The following AKT3 variants were observed in gnomAD, a reference collection of about 807,000 sequenced individuals.
AKT3 encodes AKT serine/threonine kinase 3.
AKT3 carries 15 observed loss-of-function variants against 65.3 expected under a neutral mutation model. The ratio of observed to expected loss-of-function variants is 0.23; its 90% confidence interval spans 0.15 to 0.35. AKT3 has a LOEUF of 0.35. Among genes scored for constraint, AKT3 ranks in the 10% least tolerant of loss-of-function variants. AKT3 has a pLI of 1.00. For missense variants in AKT3, 243 were observed against 576.5 expected, an observed-to-expected ratio of 0.42 and a Z score of 5.92; for synonymous variants, 206 against 183.8, an observed-to-expected ratio of 1.12 and a Z score of -0.98.
At chr1:243,520,954 T>C (rs974122249) in intron 12 of AKT3, among the ~76,000 whole-genome samples, 1 of 152,202 alleles carries the variant, frequency 6.6e-6, no homozygotes, top group Non-Finnish European at 1.5e-5. Flanking sequence ...TTAGAGTAAG[T>C]CACATTTGGT....
At chr1:243,757,660 TTTTC>T (rs1205558016) in intron 2 of AKT3, among the ~76,000 whole-genome samples, 81 of 152,262 alleles carry the variant, frequency 5.3e-4, no homozygotes, top group African/African-American at 1.1e-3. Flanking sequence ...TTCTTACAAC[TTTTC>T]TTTAAGTTTG....
chr1:243,595,409 C>T (rs906860713), intron 8 of AKT3, among the ~76,000 whole-genome samples: 1 of 152,148 alleles, frequency 6.6e-6, no homozygotes, highest in African/African-American at 2.4e-5. Flanking sequence ...ACTATGAACA[C>T]TGTATAATGT....
intron 9 of AKT3, among the ~76,000 whole-genome samples, chr1:243,564,308 G>A (rs1357600479): frequency 6.6e-6 from 1 of 152,120 alleles, no homozygotes; most frequent in Non-Finnish European, 1.5e-5. Flanking sequence ...GGTGGTGCTT[G>A]TAAATCAAAC....
At chr1:243,800,299 T>C (rs951731198) in intron 2 of AKT3, among the ~76,000 whole-genome samples, 5 of 152,222 alleles carry the variant, frequency 3.3e-5, no homozygotes, top group African/African-American at 7.2e-5. Flanking sequence ...TACAGGGCTG[T>C]TGTGAGGCCT....
chr1:243,744,540 C>T (rs1196834832), intron 2 of AKT3, among the ~76,000 whole-genome samples: 1 of 151,802 alleles, frequency 6.6e-6, no homozygotes, highest in African/African-American at 2.4e-5. Context: ...GAGATCGAGA[C>T]CATCCCGGCT....
At chr1:243,633,047 G>GATTATCGAAGATTTCTC (rs1679721703) in intron 6 of AKT3, among the ~76,000 whole-genome samples, 1 of 152,194 alleles carries the variant, frequency 6.6e-6, no homozygotes, top group South Asian at 2.1e-4. Context: ...ACCCTAATAA[G>GATTATCGAAGATTTCTC]ATTATCGAAG....
chr1:243,775,399 C>G (rs1260060472), intron 2 of AKT3, among the ~76,000 whole-genome samples: 1 of 152,130 alleles, frequency 6.6e-6, no homozygotes, highest in Non-Finnish European at 1.5e-5. Flanking sequence ...CCAGGATGGT[C>G]TCAATCTCCT....
chr1:243,843,270 G>A lies in AKT3; in HGVS notation c.-100C>T, dbSNP rs1407019765. The A allele has an allele frequency of 6.8e-7, 1 of 1,471,300 alleles. No homozygotes were observed. Among genetic ancestry groups the A allele is most frequent in the Non-Finnish European group, 9.1e-7 (1 of 1,104,346 alleles). 91.1% of individuals were successfully genotyped at this position (1,471,300 alleles called of 1,614,324 possible). A position where few individuals can be genotyped will look rare whatever the true frequency, so the allele number is the denominator to read the frequency against. ...CTGCTGCTGCCCTTCCCACTCTCTA[G>A]TGATGACTCAGCCTGGAAGGAAGTA... On this transcript the variant is annotated 5_prime_UTR_variant, in exon 2 of 14. Transcript: ENST00000673466.
rs576800370 is a variant in AKT3 at position 243,662,803 on chromosome 1, C to G, written c.284+1969G>C. Reference sequence around the variant, plus strand: ...CTAGAGGTATATAGAAATGCACATACCAATGGCAAATATGAGTATGCTGTT... The same window carrying G: ...CTAGAGGTATATAGAAATGCACATAGCAATGGCAAATATGAGTATGCTGTT... On this transcript the variant is annotated intron_variant, in intron 4 of 13. Coordinates refer to ENST00000673466, the MANE Select transcript of AKT3 (RefSeq NM_005465.7). Among the ~76,000 whole-genome samples the G allele has an allele frequency of 5.9e-5, 9 of 152,152 alleles. No homozygotes were observed. In the East Asian group the frequency reaches 1.7e-3, roughly 29 times the overall value.
At chr1:243,561,663 A>G (rs1163823539) in intron 10 of AKT3, among the ~76,000 whole-genome samples, 1 of 152,132 alleles carries the variant, frequency 6.6e-6, no homozygotes, top group Non-Finnish European at 1.5e-5. Context: ...ACCCTCACAC[A>G]TCAAATATTA....
intron 2 of AKT3, among the ~76,000 whole-genome samples, chr1:243,707,722 T>G (rs1212675415): frequency 1.3e-5 from 2 of 152,114 alleles, no homozygotes; most frequent in Non-Finnish European, 2.9e-5. Context: ...CTTCCTTTCT[T>G]ATTACAAAAA....
Position 243,753,330 on chromosome 1 carries a change from G to T in AKT3, c.47-57614C>A, listed in dbSNP as rs368565299. Among the ~76,000 whole-genome samples the T allele has an allele frequency of 2.0e-4, 31 of 152,306 alleles. No homozygotes were observed. The East Asian group carries it at 4.6e-3, about 23-fold the overall frequency. ...GGAATATAAAGCAAGGTATTTGGAT[G>T]CAGAAAGTTCCTACGTAAGCAGATT... On this transcript the variant is annotated intron_variant, in intron 2 of 13. Coordinates refer to ENST00000673466, the MANE Select transcript of AKT3 (RefSeq NM_005465.7).
chr1:243,778,850 C>G (rs1461063633), intron 2 of AKT3, among the ~76,000 whole-genome samples: 3 of 151,970 alleles, frequency 2.0e-5, no homozygotes, highest in Non-Finnish European at 4.4e-5. Context: ...ACTATAACAT[C>G]TTATCTCCTC....
intron 12 of AKT3, among the ~76,000 whole-genome samples, chr1:243,518,619 C>T (rs2994324): frequency 0.044 from 6,726 of 151,954 alleles, 511 homozygotes; most frequent in African/African-American, 0.15. Context: ...AGCAAGACCT[C>T]GTCAAACAAC....
At chr1:243,822,974 C>T (rs1693951659) in intron 2 of AKT3, among the ~76,000 whole-genome samples, 1 of 151,728 alleles carries the variant, frequency 6.6e-6, no homozygotes, top group African/African-American at 2.4e-5. Context: ...AGAGATGAAA[C>T]AAAAAAAGAA....
At chr1:243,673,408 G>A (rs1423330027) in intron 3 of AKT3, among the ~76,000 whole-genome samples, 1 of 151,978 alleles carries the variant, frequency 6.6e-6, no homozygotes, top group Non-Finnish European at 1.5e-5. Context: ...GATATTATAT[G>A]TTTTGGATAT....
At chr1:243,790,485 C>CTTTGGT (rs1382076979) in intron 2 of AKT3, among the ~76,000 whole-genome samples, 1 of 152,278 alleles carries the variant, frequency 6.6e-6, no homozygotes, top group African/African-American at 2.4e-5. Context: ...CTGGATTAGG[C>CTTTGGT]TTTGGTTTAG....
In AKT3 at chr1:243,502,067, G is replaced by A. The variant is rs1669351342; in HGVS notation, c.*3182C>T. The A allele has an allele frequency of 4.3e-6, 1 of 232,390 alleles. No homozygotes were observed. The highest frequency in any genetic ancestry group is 8.5e-6 in the Non-Finnish European group (1 of 117,668). The allele number at this position is 232,390 out of a possible 1,614,324, so 14.4% of individuals were successfully genotyped here. ...GTCAAGAAATGTCACAAACTATAAA[G>A]CTACAGGGAGGTAATTCAATTACCA... On this transcript the variant is annotated 3_prime_UTR_variant, in exon 14 of 14. Coordinates refer to ENST00000673466, the MANE Select transcript of AKT3 (RefSeq NM_005465.7).
At chr1:243,784,879 G>A (rs1483064324) in intron 2 of AKT3, among the ~76,000 whole-genome samples, 1 of 151,998 alleles carries the variant, frequency 6.6e-6, no homozygotes, top group African/African-American at 2.4e-5. Context: ...TCCTACCTCA[G>A]CCTCCCGAGT....
Sources: allele counts gnomAD v4.1 joint callset (sites outside exome capture counted in the v4.1 genomes callset), GRCh38; gene constraint gnomAD v4.1.1; transcripts MANE v1.5; gene names NCBI Gene and HGNC (gene_info 2026-07-23, HGNC 2026-07-21).